SH2D4A: variants seen among roughly 807,000 people sequenced by gnomAD.
The protein encoded by SH2D4A is SH2 domain containing 4A.
Under a neutral mutation model 64.7 loss-of-function variants are expected in SH2D4A, and 70 were observed. The ratio of observed to expected loss-of-function variants is 1.08; its 90% CI spans 0.89 to 1.32. SH2D4A has a LOEUF of 1.32. Among genes scored for constraint, SH2D4A ranks in the 40% most tolerant of loss-of-function variants. SH2D4A has a pLI of 0.00. For synonymous variants in SH2D4A, 268 were observed against 200.7 expected (o/e 1.34, Z -2.83); for missense variants, 706 against 540.1 (o/e 1.31, Z -3.04).
At chr8:19,358,224 C>G (rs1055443293) in intron 5 of SH2D4A, among the ~76,000 whole-genome samples, 54 of 152,232 alleles carry the variant, frequency 3.5e-4, no homozygotes, top group African/African-American at 1.3e-3. Flanking sequence ...GTATATTCAT[C>G]CAAGCAACAT....
At chr8:19,328,137 G>A (rs1437377811) in intron 2 of SH2D4A, among the ~76,000 whole-genome samples, 1 of 151,960 alleles carries the variant, frequency 6.6e-6, no homozygotes, top group South Asian at 2.1e-4. Flanking sequence ...TCTGAATAAA[G>A]CACCTGCTTT....
intron 8 of SH2D4A, among the ~76,000 whole-genome samples, chr8:19,388,789 A>ACAAG (rs1479345857): frequency 1.3e-5 from 2 of 152,230 alleles, no homozygotes; most frequent in African/African-American, 4.8e-5. Context: ...ATTATAAGAC[A>ACAAG]CAAGCATTCA....
At chr8:19,379,569 G>A (rs759300474) in intron 8 of SH2D4A, among the ~76,000 whole-genome samples, 1 of 152,106 alleles carries the variant, frequency 6.6e-6, no homozygotes, top group Non-Finnish European at 1.5e-5. Context: ...GTAATTCTAC[G>A]GTTGAACTTT....
intron 8 of SH2D4A, among the ~76,000 whole-genome samples, chr8:19,392,289 G>C (rs1198709755): frequency 6.6e-6 from 1 of 152,132 alleles, no homozygotes; most frequent in Non-Finnish European, 1.5e-5. Context: ...TACAGGCTAA[G>C]GTACTTTATA....
chr8:19,379,638 C>G (rs924819034), intron 8 of SH2D4A, among the ~76,000 whole-genome samples: 2 of 152,162 alleles, frequency 1.3e-5, no homozygotes, highest in African/African-American at 2.4e-5. Flanking sequence ...TACCTTCCCA[C>G]CAACAGTGGC....
At chr8:19,373,327 C>G (rs191165241) in intron 7 of SH2D4A, among the ~76,000 whole-genome samples, 2 of 144,690 alleles carry the variant, frequency 1.4e-5, no homozygotes, top group African/African-American at 2.8e-5. Context: ...TCTCTCCCCC[C>G]ACCCCCACAC....
chr8:19,358,334 C>A (rs1033270677), intron 5 of SH2D4A, among the ~76,000 whole-genome samples: 1 of 152,118 alleles, frequency 6.6e-6, no homozygotes, highest in Non-Finnish European at 1.5e-5. Context: ...AGCTTATATT[C>A]TTCATGGGAG....
chr8:19,350,883 C>G (rs1020325768), intron 4 of SH2D4A, among the ~76,000 whole-genome samples: 1 of 152,220 alleles, frequency 6.6e-6, no homozygotes, highest in Non-Finnish European at 1.5e-5. Context: ...GTGGATTTTG[C>G]TTGGAACAAT....
chr8:19,349,627 C>T (rs981772189), intron 4 of SH2D4A, among the ~76,000 whole-genome samples: 13 of 152,084 alleles, frequency 8.5e-5, no homozygotes, highest in Non-Finnish European at 1.8e-4. Context: ...GCTAAGTTTC[C>T]CAATCCATAA....
At chr8:19,371,905 C>G (rs777927998) in intron 7 of SH2D4A, among the ~76,000 whole-genome samples, 1 of 152,108 alleles carries the variant, frequency 6.6e-6, no homozygotes, top group African/African-American at 2.4e-5. Context: ...AGTCTTTCTG[C>G]TACATTTCCC....
At position 19,332,936 on chromosome 8, in the gene SH2D4A, T is replaced by G. The variant is rs775056213; in HGVS notation, c.182-19T>G. The G allele has an allele frequency of 2.5e-6, 4 of 1,603,540 alleles. No homozygotes were observed. The highest frequency in any genetic ancestry group is 3.4e-6 in the Non-Finnish European group (4 of 1,177,264). ...ATATTTGTTCAATCTGAATTTTTTG[T>G]TTGTGTGTTTGTTTGCAGAGAATGG... On this transcript the variant is annotated intron_variant, in intron 2 of 9. Coordinates refer to ENST00000265807, the MANE Select transcript of SH2D4A (RefSeq NM_022071.4).
chr8:19,329,952 C>G (rs545626737), intron 2 of SH2D4A, among the ~76,000 whole-genome samples: 1 of 152,294 alleles, frequency 6.6e-6, no homozygotes, highest in Admixed American at 6.5e-5. Flanking sequence ...TACACTGTGT[C>G]TACCTCAGTG....
intron 4 of SH2D4A, among the ~76,000 whole-genome samples, chr8:19,351,239 T>G (rs1216198618): frequency 2.0e-5 from 3 of 151,882 alleles, no homozygotes; most frequent in Admixed American, 6.6e-5. Context: ...ATGACCTGGT[T>G]GGCAAAATGG....
chr8:19,344,293 A>T (rs1425030907), intron 4 of SH2D4A, among the ~76,000 whole-genome samples: 1 of 152,100 alleles, frequency 6.6e-6, no homozygotes, highest in Admixed American at 6.5e-5. Flanking sequence ...GAATCCGCTT[A>T]CAGGTATATT....
Position 19,330,234 on chromosome 8 carries a change from T to A in SH2D4A, c.182-2721T>A, listed in dbSNP as rs139942009. On this transcript the variant is annotated intron_variant, in intron 2 of 9. Coordinates refer to ENST00000265807, the MANE Select transcript of SH2D4A (RefSeq NM_022071.4). ...GTATCCCAGCTAACACTCATTATAC[T>A]AGAACAACTTCCCCCTCCTCCTACA... 2.3e-4 allele frequency among the ~76,000 whole-genome samples: 35 copies of A among 152,308 alleles called. No individual in the cohort carries two copies. The East Asian group carries it at 5.0e-3, about 22-fold the overall frequency.
At chr8:19,320,623 CAAA>C (rs57328086) in intron 2 of SH2D4A, among the ~76,000 whole-genome samples, 22 of 68,870 alleles carry the variant, frequency 3.2e-4, no homozygotes, top group African/African-American at 1.1e-3. Flanking sequence ...GACTGTGTGT[CAAA>C]AAAAAAAAAA....
At chr8:19,362,615 C>T (rs1306040311) in intron 6 of SH2D4A, among the ~76,000 whole-genome samples, 1 of 152,034 alleles carries the variant, frequency 6.6e-6, no homozygotes, top group Non-Finnish European at 1.5e-5. Context: ...TGGCGTACAC[C>T]TGTAGTCCCA....
intron 4 of SH2D4A, among the ~76,000 whole-genome samples, chr8:19,343,264 A>C (rs1180393823): frequency 2.6e-5 from 4 of 152,070 alleles, no homozygotes; most frequent in African/African-American, 4.8e-5. Context: ...GTCTCTACAG[A>C]AATTAAAAAA....
chr8:19,373,579 A>T lies in SH2D4A; in HGVS notation c.967A>T (p.Ile323Phe). The T allele has an allele frequency of 6.2e-7, 1 of 1,613,400 alleles. No homozygotes were observed. The highest frequency in any genetic ancestry group is 8.5e-7 in the Non-Finnish European group (1 of 1,179,636). The stretch of plus-strand genomic sequence containing the variant: ...GTCCAGCTCTGCCCAAGAGGACATC[A>T]TCCGGTGGTTTAAAGAGGAGCAGCT... ...TLSSSAQEDI[I>F]RWFKEEQLPL... The change falls in exon 8 of 10, where the codon ATC becomes TTC. Residue 323 changes from isoleucine (I) to phenylalanine (F), a missense_variant. Coordinates refer to ENST00000265807, the MANE Select transcript of SH2D4A (RefSeq NM_022071.4).
Sources: allele counts gnomAD v4.1 joint callset (sites outside exome capture counted in the v4.1 genomes callset), GRCh38; gene constraint gnomAD v4.1.1; transcripts MANE v1.5; gene names NCBI Gene and HGNC (gene_info 2026-07-23, HGNC 2026-07-21).